CCSER1: variants seen among roughly 807,000 people sequenced by gnomAD.
CCSER1 encodes coiled-coil serine rich protein 1, also known as serine-rich coiled-coil domain-containing protein 1.
In CCSER1, 41 loss-of-function variants were observed where a neutral mutation model predicts 82.0. The observed-to-expected ratio is 0.50, with a 90% CI of 0.39 to 0.65. The LOEUF is 0.65. Among genes scored for constraint, CCSER1 ranks in the 30% least tolerant of loss-of-function variants. The pLI is 0.00. For synonymous variants in CCSER1, 414 were observed against 383.9 expected, an observed-to-expected ratio of 1.08 and a Z score of -0.92; for missense variants, 1,119 against 1,064.2, an observed-to-expected ratio of 1.05 and a Z score of -0.72.
At chr4:91,264,904 A>G (rs1219495240) in intron 10 of CCSER1, among the ~76,000 whole-genome samples, 1 of 152,044 alleles carries the variant, frequency 6.6e-6, no homozygotes, top group Non-Finnish European at 1.5e-5. Flanking sequence ...ATATTAAAAT[A>G]TTTATCTGAT....
At chr4:90,352,684 G>GTA (rs1743696521) in intron 3 of CCSER1, among the ~76,000 whole-genome samples, 2 of 150,380 alleles carry the variant, frequency 1.3e-5, no homozygotes, top group Non-Finnish European at 3.0e-5. Flanking sequence ...AAACATATAT[G>GTA]TATATATACA....
At chr4:90,683,631 T>C (rs988531550) in intron 6 of CCSER1, among the ~76,000 whole-genome samples, 3 of 152,138 alleles carry the variant, frequency 2.0e-5, no homozygotes, top group African/African-American at 7.2e-5. Flanking sequence ...GGACCCAACA[T>C]CTTTTTATTC....
intron 9 of CCSER1, among the ~76,000 whole-genome samples, chr4:90,979,210 T>C (rs1227137595): frequency 6.6e-6 from 1 of 151,434 alleles, no homozygotes; most frequent in Non-Finnish European, 1.5e-5. Flanking sequence ...TTTTAAATAT[T>C]TTTTAAAGCA....
chr4:91,211,402 G>A (rs1208386713), intron 10 of CCSER1, among the ~76,000 whole-genome samples: 1 of 152,014 alleles, frequency 6.6e-6, no homozygotes, highest in African/African-American at 2.4e-5. Context: ...TAGAGGCATT[G>A]ATTAATATAG....
intron 5 of CCSER1, among the ~76,000 whole-genome samples, chr4:90,590,308 G>A (rs541907713): frequency 1.3e-4 from 20 of 151,788 alleles, no homozygotes; most frequent in African/African-American, 2.4e-4. Flanking sequence ...GGCCAGGTAC[G>A]GTGTCTCATG....
intron 10 of CCSER1, among the ~76,000 whole-genome samples, chr4:91,264,576 G>A (rs144714796): frequency 9.2e-4 from 139 of 151,870 alleles, no homozygotes; most frequent in Middle Eastern, 3.4e-3. Flanking sequence ...AAACACTCTC[G>A]CACTACAATT....
intron 8 of CCSER1, among the ~76,000 whole-genome samples, chr4:90,890,282 C>A (rs911549352): frequency 6.6e-6 from 1 of 152,050 alleles, no homozygotes; most frequent in African/African-American, 2.4e-5. Flanking sequence ...TATTTTATTT[C>A]CCTGGGCTTC....
chr4:90,412,952 A>G (rs1036853148), intron 4 of CCSER1, among the ~76,000 whole-genome samples: 1 of 149,140 alleles, frequency 6.7e-6, no homozygotes, highest in Admixed American at 6.6e-5. Flanking sequence ...AAATCAGTAA[A>G]GAGGAAGTCA....
In CCSER1 at chr4:90,796,248, A is replaced by AT. The variant is rs535336583; in HGVS notation, c.2011-19508dup. On this transcript the variant is annotated intron_variant, in intron 7 of 10. Coordinates refer to ENST00000509176, the MANE Select transcript of CCSER1 (RefSeq NM_001145065.2). ...GGGTGTATTTGTCCAGGATTTATTCATTTTTTCTAGATTTTCTAGTTTATG... is the reference window on the plus strand; with the variant it reads ...GGGTGTATTTGTCCAGGATTTATTCATTTTTTTCTAGATTTTCTAGTTTATG... Among the ~76,000 whole-genome samples the AT allele has an allele frequency of 9.4e-4, 142 of 151,016 alleles. 3 individuals are homozygous for AT. The highest frequency in any genetic ancestry group is 3.1e-3 in the African/African-American group (128 of 41,210).
chr4:91,543,892 T>C (rs759707310), intron 10 of CCSER1, among the ~76,000 whole-genome samples: 2 of 152,200 alleles, frequency 1.3e-5, no homozygotes, highest in African/African-American at 4.8e-5. Flanking sequence ...ATCCGGCAGA[T>C]TGTTTTCCAA....
At chr4:91,263,175 A>T (rs1424547623) in intron 10 of CCSER1, among the ~76,000 whole-genome samples, 1 of 152,074 alleles carries the variant, frequency 6.6e-6, no homozygotes, top group Non-Finnish European at 1.5e-5. Context: ...AGCAATCAAA[A>T]TAGCTATGCC....
At chr4:90,939,681 C>A (rs1391263465) in intron 9 of CCSER1, among the ~76,000 whole-genome samples, 2 of 151,920 alleles carry the variant, frequency 1.3e-5, no homozygotes, top group Middle Eastern at 3.2e-3. Flanking sequence ...ATGGTGGTAA[C>A]CTTTATAAAT....
chr4:90,816,743 A>G (rs1355386132), intron 8 of CCSER1, among the ~76,000 whole-genome samples: 4 of 152,156 alleles, frequency 2.6e-5, no homozygotes, highest in African/African-American at 9.6e-5. Flanking sequence ...CAGACTCACA[A>G]TAGTGTATTA....
rs1312544166 is a variant in CCSER1, at chr4:90,155,916, T to A, written c.-42+28085T>A. Reference sequence around the variant, plus strand: ...TAGTTATTTCTTGCCTTCTGCTAGCTTTTGAATGTGTTTGCTCTTGCTTTT... The same window carrying A: ...TAGTTATTTCTTGCCTTCTGCTAGCATTTGAATGTGTTTGCTCTTGCTTTT... On this transcript the variant is annotated intron_variant, in intron 1 of 10. Transcript: ENST00000509176. Among the ~76,000 whole-genome samples the A allele has an allele frequency of 9.4e-4, 143 of 152,074 alleles. 1 individual carries two copies. Among genetic ancestry groups the A allele is most frequent in the Admixed American group, 6.5e-3 (99 of 15,274 alleles).
At chr4:90,365,542 T>A (rs1359347894) in intron 3 of CCSER1, among the ~76,000 whole-genome samples, 2 of 151,888 alleles carry the variant, frequency 1.3e-5, no homozygotes, top group Non-Finnish European at 3.0e-5. Flanking sequence ...AATTCATGTG[T>A]GCCTGTCAGT....
chr4:90,990,005 A>G (rs1736892046), intron 9 of CCSER1, among the ~76,000 whole-genome samples: 1 of 151,854 alleles, frequency 6.6e-6, no homozygotes, highest in Non-Finnish European at 1.5e-5. Flanking sequence ...CTGGTCCATG[A>G]GATTTTTACA....
intron 10 of CCSER1, among the ~76,000 whole-genome samples, chr4:91,169,126 C>G (rs1377854323): frequency 3.3e-5 from 5 of 149,820 alleles, no homozygotes; most frequent in Non-Finnish European, 7.4e-5. Flanking sequence ...ATCTGCTGAC[C>G]TTGTCTCCAC....
At chr4:90,933,132 A>AGTGTGT (rs536402295) in intron 9 of CCSER1, among the ~76,000 whole-genome samples, 1,641 of 70,154 alleles carry the variant, frequency 0.023, 65 homozygotes, top group South Asian at 0.056. Context: ...GTTACCTAGA[A>AGTGTGT]GTGTGTGTGT....
intron 7 of CCSER1, among the ~76,000 whole-genome samples, chr4:90,740,405 CAAAT>C (rs1182077298): frequency 1.3e-5 from 2 of 151,984 alleles, no homozygotes; most frequent in East Asian, 1.9e-4. Flanking sequence ...CCTGGTAAGA[CAAAT>C]AAAATTATTT....
Sources: gnomAD v4.1 joint callset for allele counts (sites outside exome capture counted in the v4.1 genomes callset) on GRCh38, gnomAD v4.1.1 for gene constraint, MANE v1.5 for transcripts, NCBI Gene and HGNC (gene_info 2026-07-23, HGNC 2026-07-21) for gene names.